Variants in TPD52L1 observed in about 807,000 individuals in gnomAD.
TPD52L1 encodes the protein TPD52 like 1, also known as tumor protein D53.
Under a neutral mutation model 28.7 loss-of-function variants are expected in TPD52L1, and 18 were observed. The observed-to-expected ratio is 0.63, with a 90% CI of 0.43 to 0.93. TPD52L1 has a LOEUF of 0.93. TPD52L1 is among the 40% of genes least tolerant of loss of function. The pLI is 0.00. For synonymous variants in TPD52L1, 75 were observed against 88.8 expected, an observed-to-expected ratio of 0.84 and a Z score of 0.88; for missense variants, 203 against 254.8, an observed-to-expected ratio of 0.80 and a Z score of 1.39.
chr6:125,176,617 A>G (rs1258356197), intron 1 of TPD52L1, among the ~76,000 whole-genome samples: 2 of 152,198 alleles, frequency 1.3e-5, no homozygotes, highest in South Asian at 2.1e-4. Context: ...ATTTCTGTGT[A>G]AGTAACTGAG....
intron 2 of TPD52L1, among the ~76,000 whole-genome samples, chr6:125,222,732 C>G (rs922377617): frequency 4.6e-5 from 7 of 152,160 alleles, no homozygotes; most frequent in African/African-American, 1.7e-4. Flanking sequence ...TATAGACTAG[C>G]CTTTTCATTA....
At chr6:125,191,291 G>A (rs1250660760) in intron 1 of TPD52L1, among the ~76,000 whole-genome samples, 3 of 152,098 alleles carry the variant, frequency 2.0e-5, no homozygotes, top group Admixed American at 6.6e-5. Context: ...TTGTCCTTTG[G>A]CATTTGCACC....
rs760761658 is a variant in TPD52L1 at position 125,257,218 on chromosome 6, G to A, written c.486+60G>A. Reference sequence around the variant, plus strand: ...ATTGACTCAGGACAGCTTAGCCATTGCTGCGGTTAGTTTAAAGTCGAGGCA... The same window carrying A: ...ATTGACTCAGGACAGCTTAGCCATTACTGCGGTTAGTTTAAAGTCGAGGCA... On this transcript the variant is annotated intron_variant, in intron 6 of 6. Transcript: ENST00000534000. 2.0e-5 allele frequency: 30 copies of A among 1,473,528 alleles called. No individual in the cohort carries two copies. The African/African-American group carries it at 3.8e-4, about 18-fold the overall frequency. The allele number at this position is 1,473,528 out of a possible 1,614,324, so 91.3% of individuals were successfully genotyped here. A position where few individuals can be genotyped will look rare whatever the true frequency, so the allele number is the denominator to read the frequency against.
At chr6:125,251,881 TA>T in intron 4 of TPD52L1, 1 of 735,288 alleles carries the variant, frequency 1.4e-6, no homozygotes, top group African/African-American at 1.8e-5. Flanking sequence ...AAAGTCAGTG[TA>T]ATCAAGAGTG....
chr6:125,244,605 T>A lies in TPD52L1; in HGVS notation c.285-3677T>A, dbSNP rs531543650. Among the ~76,000 whole-genome samples, 67 of 152,294 alleles carry A rather than the reference T, an allele frequency of 4.4e-4. No homozygotes were observed. In the Middle Eastern group the frequency reaches 0.024, roughly 54 times the overall value. On this transcript the variant is annotated intron_variant, in intron 3 of 6. Transcript: ENST00000534000. Reference sequence around the variant, plus strand: ...TGTGACTTTGCCTCTCATGCAGGCTTGAATCTGGAGTGTGTTCCTCCTGTG... The same window carrying A: ...TGTGACTTTGCCTCTCATGCAGGCTAGAATCTGGAGTGTGTTCCTCCTGTG...
intron 1 of TPD52L1, among the ~76,000 whole-genome samples, chr6:125,172,537 T>A (rs1177291117): frequency 3.4e-5 from 3 of 88,882 alleles, no homozygotes; most frequent in Non-Finnish European, 6.2e-5. Context: ...TATATATATA[T>A]ATATATATAT....
In TPD52L1 at chr6:125,200,829, C is replaced by T. The variant is rs935718349; in HGVS notation, c.20-19249C>T. On this transcript the variant is annotated intron_variant, in intron 1 of 6. Coordinates refer to ENST00000534000, the MANE Select transcript of TPD52L1 (RefSeq NM_003287.4). ...CTAAGGTAGTCATAAGGGTCAGAAT[C>T]CAATTTAAGGAGAGGTTATTTAAGT... is the stretch of plus-strand genomic sequence containing the variant. Among the ~76,000 whole-genome samples the T allele has an allele frequency of 3.3e-5, 5 of 152,232 alleles. No individual in the cohort carries two copies. In the South Asian group the frequency reaches 1.0e-3, roughly 32 times the overall value.
chr6:125,228,730 C>A lies in TPD52L1; in HGVS notation c.136-388C>A, dbSNP rs6904158. ...GAAGAAGTTATATAAAATAAGGGTA[C>A]AGTAGAAAACCAATTTTTGTTCAAA... On this transcript the variant is annotated intron_variant, in intron 2 of 6. Coordinates refer to ENST00000534000, the MANE Select transcript of TPD52L1 (RefSeq NM_003287.4). Among the ~76,000 whole-genome samples the A allele has an allele frequency of 3.9e-3, 588 of 152,128 alleles. 3 individuals are homozygous for A. The highest frequency in any genetic ancestry group is 0.013 in the African/African-American group (538 of 41,490).
rs1232430922 is a variant in TPD52L1, at chr6:125,216,527, GTGTATATATATATATATATATATATATA to G, written c.20-3549_20-3522del. Among the ~76,000 whole-genome samples, 253 of 40,186 alleles carry G rather than the reference GTGTATATATATATATATATATATATATA, an allele frequency of 6.3e-3. 8 individuals are homozygous for G. Among genetic ancestry groups the G allele is most frequent in the African/African-American group, 0.017 (243 of 14,062 alleles). 26.4% of individuals were successfully genotyped at this position (40,186 alleles called of 152,430 possible). ...TTGCAACAGTAAATTCAGTATGTGT[GTGTATATATATATATATATATATATATA>G]TATATATATATATATATGAAAATAT... On this transcript the variant is annotated intron_variant, in intron 1 of 6. Coordinates refer to ENST00000534000, the MANE Select transcript of TPD52L1 (RefSeq NM_003287.4).
At chr6:125,180,162 C>A (rs1792092527) in intron 1 of TPD52L1, among the ~76,000 whole-genome samples, 1 of 152,118 alleles carries the variant, frequency 6.6e-6, no homozygotes, top group African/African-American at 2.4e-5. Flanking sequence ...CTTTGGGAGT[C>A]CTCAAATGTC....
chr6:125,236,924 G>A (rs1337694056), intron 3 of TPD52L1, among the ~76,000 whole-genome samples: 1 of 152,196 alleles, frequency 6.6e-6, no homozygotes, highest in East Asian at 1.9e-4. Flanking sequence ...TCTCAAGGGT[G>A]CAGGCTTAAG....
chr6:125,261,028 G>GA (rs759142057), intron 6 of TPD52L1: 1,608 of 108,712 alleles, frequency 0.015, 57 homozygotes, highest in Non-Finnish European at 0.02. Flanking sequence ...GAAAAGAAAA[G>GA]AAAGAAAGAA....
At chr6:125,177,490 G>A (rs747887189) in intron 1 of TPD52L1, among the ~76,000 whole-genome samples, 1 of 152,166 alleles carries the variant, frequency 6.6e-6, no homozygotes, top group East Asian at 1.9e-4. Flanking sequence ...TTTTGTAGCT[G>A]TAAGCACTTG....
intron 4 of TPD52L1, chr6:125,253,486 T>C (rs1562389361): frequency 1.1e-5 from 6 of 532,920 alleles, no homozygotes; most frequent in Non-Finnish European, 2.0e-5. Flanking sequence ...CTGCAGAAAG[T>C]AAAATAATAT....
At chr6:125,167,352 T>A (rs1790982340) in intron 1 of TPD52L1, among the ~76,000 whole-genome samples, 1 of 152,166 alleles carries the variant, frequency 6.6e-6, no homozygotes, top group African/African-American at 2.4e-5. Flanking sequence ...TTGCTCATGT[T>A]TTACCCAATA....
At chr6:125,157,791 A>G (rs1267597103) in intron 1 of TPD52L1, among the ~76,000 whole-genome samples, 1 of 146,180 alleles carries the variant, frequency 6.8e-6, no homozygotes, top group East Asian at 1.9e-4. Context: ...ATTAATAACT[A>G]TGTTAGTTTC....
At chr6:125,165,088 A>ATTTTTTTTTT (rs1790790044) in intron 1 of TPD52L1, among the ~76,000 whole-genome samples, 1 of 105,928 alleles carries the variant, frequency 9.4e-6, no homozygotes, top group Admixed American at 8.5e-5. Flanking sequence ...AAAAAAAGAT[A>ATTTTTTTTTT]TATATATATA....
intron 3 of TPD52L1, among the ~76,000 whole-genome samples, chr6:125,235,417 A>G (rs1244942688): frequency 6.6e-6 from 1 of 152,104 alleles, no homozygotes; most frequent in Non-Finnish European, 1.5e-5. Context: ...AAGAAAAAAA[A>G]GTTGCAAAAA....
intron 1 of TPD52L1, among the ~76,000 whole-genome samples, chr6:125,160,880 C>G (rs1278363247): frequency 7.4e-6 from 1 of 135,022 alleles, no homozygotes; most frequent in African/African-American, 2.9e-5. Flanking sequence ...GAGATGGAGT[C>G]TTGCTCTGTC....
Sources: gnomAD v4.1 joint callset for allele counts (sites outside exome capture counted in the v4.1 genomes callset) on GRCh38, gnomAD v4.1.1 for gene constraint, MANE v1.5 for transcripts, NCBI Gene and HGNC (gene_info 2026-07-23, HGNC 2026-07-21) for gene names.